Variants in MYO1G observed in about 807,000 individuals in gnomAD.
MYO1G encodes unconventional myosin-Ig.
Under a neutral mutation model 115.3 loss-of-function variants are expected in MYO1G, and 65 were observed. The ratio of observed to expected loss-of-function variants is 0.56; its 90% confidence interval spans 0.46 to 0.69. The LOEUF is 0.69. Ranked by LOEUF, MYO1G falls within the 30% of genes least tolerant of loss-of-function variation. MYO1G has a pLI of 0.00. For missense variants in MYO1G, 1,204 were observed against 1,393.5 expected (o/e 0.86, Z 2.16); for synonymous variants, 510 against 552.6 (o/e 0.92, Z 1.08).
At chr7:44,978,501 C>T (rs1407813946) in intron 1 of MYO1G, among the ~76,000 whole-genome samples, 1 of 152,188 alleles carries the variant, frequency 6.6e-6, no homozygotes, top group African/African-American at 2.4e-5. Context: ...TGCCCCTGGT[C>T]CCTCCTGGAA....
chr7:44,978,856 C>A lies in MYO1G; in HGVS notation c.95+11G>T, dbSNP rs180976586. ...GAGGAGGGGAGCCACTGCCTCCTGC[C>A]CTGGGCCTACCTGAGCTGCAGGTTC... On this transcript the variant is annotated intron_variant, in intron 1 of 21. Coordinates refer to ENST00000258787, the MANE Select transcript of MYO1G (RefSeq NM_033054.3). 3 of 1,613,422 alleles carry A rather than the reference C, an allele frequency of 1.9e-6. No homozygotes were observed. The highest frequency in any genetic ancestry group is 2.5e-6 in the Non-Finnish European group (3 of 1,179,388).
Position 44,966,220 on chromosome 7 carries a change from G to T in MYO1G, c.2010C>A (p.Ala670=), listed in dbSNP as rs767455692. The T allele has an allele frequency of 1.2e-6, 2 of 1,612,188 alleles. No individual in the cohort carries two copies. Among genetic ancestry groups the T allele is most frequent in the African/African-American group, 1.3e-5 (1 of 74,880 alleles). The change falls in exon 16 of 22, where the codon GCC becomes GCA. Residue 670 remains alanine, a synonymous_variant. Transcript: ENST00000258787. The surrounding 1 kb of genome is among the most constrained non-coding windows in gnomAD (Gnocchi z 5.0). ...PNHLLGSDKA[A]VSALLEQHGL... is the part of the protein sequence containing the mutation. ...CGTGCTGCTCCAGGAGAGCGCTCAC[G>T]GCTGCCTTGTCGGAGCCCAGCAGGT...
chr7:44,966,392 A>G lies in MYO1G; in HGVS notation c.1950-112T>C, dbSNP rs1794844836. On this transcript the variant is annotated intron_variant, in intron 15 of 21. Transcript: ENST00000258787. This position sits in a 1 kb window ranked among gnomAD's most constrained non-coding sequence, Gnocchi z 5.0. ...GCAGGGATACAGAGTGTGTTCCTGG[A>G]GCACTTATGACACCTGTGCACATAT... is the stretch of plus-strand genomic sequence containing the variant. 1.0e-6 allele frequency: 1 copy of G among 1,003,194 alleles called. No homozygotes were observed. The highest frequency in any genetic ancestry group is 1.5e-6 in the Non-Finnish European group (1 of 664,420). The allele number at this position is 1,003,194 out of a possible 1,614,324, so 62.1% of individuals were successfully genotyped here.
At position 44,967,939 on chromosome 7, in the gene MYO1G, T is replaced by G; in HGVS notation, c.1594A>C (p.Ile532Leu). ...AAGAGGAAATCTCTGTTCTTGTCGATGAAGCCTTCCACGGAGTACCTACCA... is the reference window on the plus strand; with the variant it reads ...AAGAGGAAATCTCTGTTCTTGTCGAGGAAGCCTTCCACGGAGTACCTACCA... ...GDVTYSVEGF[I>L]DKNRDFLFQD... The change falls in exon 13 of 22, where the codon ATC becomes CTC. Residue 532 changes from isoleucine (I) to leucine (L), a missense_variant. Transcript: ENST00000258787. 6.2e-7 allele frequency: 1 copy of G among 1,613,996 alleles called. No homozygotes were observed. Among genetic ancestry groups the G allele is most frequent in the South Asian group, 1.1e-5 (1 of 91,074 alleles).
Position 44,964,030 on chromosome 7 carries a change from C to T in MYO1G, c.2745+19G>A. 6.4e-7 allele frequency: 1 copy of T among 1,554,112 alleles called. No homozygotes were observed. The highest frequency in any genetic ancestry group is 8.7e-7 in the Non-Finnish European group (1 of 1,145,596). On this transcript the variant is annotated intron_variant, in intron 20 of 21. Transcript: ENST00000258787. This position sits in a 1 kb window ranked among gnomAD's most constrained non-coding sequence, Gnocchi z 5.1. ...CCCCTCACAGATGCTGCACCCTACT[C>T]CCCACCCACATTGCTCACCGCCTCA...
At chr7:44,972,494 C>T in intron 5 of MYO1G, 1 of 448,658 alleles carries the variant, frequency 2.2e-6, no homozygotes, top group Non-Finnish European at 4.2e-6. Flanking sequence ...GTAGGGAGCT[C>T]AGTCCCTGTG....
rs374494970 is a variant in MYO1G at position 44,978,949 on chromosome 7, C to T, written c.13G>A (p.Glu5Lys). The T allele has an allele frequency of 1.4e-5, 23 of 1,614,184 alleles. No homozygotes were observed. Among genetic ancestry groups the T allele is most frequent in the Non-Finnish European group, 1.9e-5 (23 of 1,180,000 alleles). MEDEEGPEYGKPDFV... is the reference protein window; with the variant it reads MEDEKGPEYGKPDFV... ...TCAGGTTTGCCATACTCAGGGCCTT[C>T]CTCGTCCTCCATCCTGCCGGCTGGA... Residue 5 changes from glutamate to lysine, a missense_variant, in exon 1 of 22, where the codon GAA (glutamate) becomes AAA (lysine). Transcript: ENST00000258787.
rs199820812 is a variant in MYO1G, at chr7:44,964,987, G to T, written c.2484C>A (p.Asp828Glu). 1.1e-5 allele frequency: 17 copies of T among 1,608,880 alleles called. No homozygotes were observed. In the African/African-American group the frequency reaches 2.3e-4, roughly 21 times the overall value. ...AMGALQGLRQ[D>E]WGCRRAWARD... ...GGGCCCAGGCCCGTCGGCAGCCCCAGTCCTGACGAAGCCCTTGCAGGGCCC... is the reference window on the plus strand; with the variant it reads ...GGGCCCAGGCCCGTCGGCAGCCCCATTCCTGACGAAGCCCTTGCAGGGCCC... The change falls in exon 18 of 22, where the codon GAC (aspartate) becomes GAA (glutamate). Residue 828 changes from aspartate (D) to glutamate (E), a missense_variant. Coordinates refer to ENST00000258787, the MANE Select transcript of MYO1G (RefSeq NM_033054.3). This position sits in a 1 kb window ranked among gnomAD's most constrained non-coding sequence, Gnocchi z 5.1.
chr7:44,975,910 T>C (rs924440480), intron 3 of MYO1G, among the ~76,000 whole-genome samples: 2 of 152,202 alleles, frequency 1.3e-5, no homozygotes, highest in African/African-American at 2.4e-5. Flanking sequence ...GAGGTCCTTG[T>C]TTCTCACAGC....
chr7:44,965,590 C>T, intron 17 of MYO1G, 47 bp downstream of exon 17: 3 of 1,561,796 alleles, frequency 1.9e-6, no homozygotes, highest in Non-Finnish European at 2.6e-6. Flanking sequence ...TTAAGGTATT[C>T]AGTGGATGCC....
intron 5 of MYO1G, chr7:44,973,855 C>T (rs931321649): frequency 6.6e-6 from 1 of 151,676 alleles, no homozygotes; most frequent in Admixed American, 6.6e-5. Context: ...CTGTGGAGAT[C>T]CTGCCGGAGT....
At chr7:44,968,010 G>A (rs759650096) in intron 12 of MYO1G, 52 bp from the exon 13 acceptor site, 2 of 1,494,362 alleles carry the variant, frequency 1.3e-6, no homozygotes, top group Non-Finnish European at 1.9e-6. Flanking sequence ...TGCCAGGCCA[G>A]AGTGCTAATG....
Position 44,976,965 on chromosome 7 carries a change from C to T in MYO1G, c.202G>A (p.Gly68Ser), listed in dbSNP as rs755789331. The T allele has an allele frequency of 1.3e-5, 21 of 1,613,550 alleles. No homozygotes were observed. The highest frequency in any genetic ancestry group is 1.0e-4 in the Admixed American group (6 of 60,016). ...GGTGGCCGCTCATAGAGCTCACGGCCCTGGTACCTGGCGATGGCCTCAGGC... is the reference window on the plus strand; with the variant it reads ...GGTGGCCGCTCATAGAGCTCACGGCTCTGGTACCTGGCGATGGCCTCAGGC... ...YGPEAIARYQ[G>S]RELYERPPHL... The change falls in exon 2 of 22, where the codon GGC (glycine) becomes AGC (serine). Residue 68 changes from glycine (G) to serine (S), a missense_variant. Coordinates refer to ENST00000258787, the MANE Select transcript of MYO1G (RefSeq NM_033054.3).
At chr7:44,977,206 G>A in intron 1 of MYO1G, 135 bp from the exon 2 acceptor site, 1 of 789,930 alleles carries the variant, frequency 1.3e-6, no homozygotes, top group Non-Finnish European at 2.0e-6. Flanking sequence ...GGAGAAGGAA[G>A]AAGGGGGCAG....
At position 44,963,274 on chromosome 7, in the gene MYO1G, C is replaced by T. The variant is rs1287217520; in HGVS notation, c.2746-150G>A. 5.7e-6 allele frequency: 5 copies of T among 875,844 alleles called. No individual in the cohort carries two copies. The highest frequency in any genetic ancestry group is 8.1e-6 in the Non-Finnish European group (5 of 613,926). The allele number at this position is 875,844 out of a possible 1,614,324, so 54.3% of individuals were successfully genotyped here. On this transcript the variant is annotated intron_variant, in intron 20 of 21. Coordinates refer to ENST00000258787, the MANE Select transcript of MYO1G (RefSeq NM_033054.3). This position sits in a 1 kb window ranked among gnomAD's most constrained non-coding sequence, Gnocchi z 4.1. ...AGGGCCACCAGCCCCCCACCGCCCC[C>T]TCCTCCCTCTCGGGGCCCTGCTGAC...
chr7:44,967,768 C>T, intron 13 of MYO1G, 31 bp from the exon 14 acceptor site: 4 of 1,612,564 alleles, frequency 2.5e-6, no homozygotes, highest in Non-Finnish European at 3.4e-6. Flanking sequence ...CCCAGCCATC[C>T]TCTGGGAGAG....
chr7:44,970,605 A>G lies in MYO1G; in HGVS notation c.1204T>C (p.Phe402Leu). 6.2e-7 allele frequency: 1 copy of G among 1,613,318 alleles called. No individual in the cohort carries two copies. Among genetic ancestry groups the G allele is most frequent in the Non-Finnish European group, 8.5e-7 (1 of 1,180,008 alleles). ...CCAGCCACCCACCTGTTGACGGGAA[A>G]CACCTCGAAGCCATAGATGTCCAGC... Reference protein sequence around the residue: ...GVLDIYGFEVFPVNSFEQFCI... With the variant: ...GVLDIYGFEVLPVNSFEQFCI... Residue 402 changes from phenylalanine (F) to leucine (L), a missense_variant, in exon 9 of 22, where the codon TTT (phenylalanine) becomes CTT (leucine). Phe to Leu is a conservative substitution (Grantham distance 22). Coordinates refer to ENST00000258787, the MANE Select transcript of MYO1G (RefSeq NM_033054.3).
intron 5 of MYO1G, chr7:44,972,574 G>A (rs1035260323): frequency 2.1e-5 from 6 of 280,590 alleles, no homozygotes; most frequent in African/African-American, 8.8e-5. Context: ...GACACTACCC[G>A]GGTCCCAAAA....
rs2128700752 is a variant in MYO1G at position 44,963,263 on chromosome 7, C to CCCACCG, written c.2746-145_2746-140dup. 1 of 958,292 alleles carries CCCACCG rather than the reference C, an allele frequency of 1.0e-6. No individual in the cohort carries two copies. The highest frequency in any genetic ancestry group is 3.2e-5 in the East Asian group (1 of 30,856). 59.4% of individuals were successfully genotyped at this position (958,292 alleles called of 1,614,324 possible). A position where few individuals can be genotyped will look rare whatever the true frequency, so the allele number is the denominator to read the frequency against. ...CCGCCCTCGCCAGGGCCACCAGCCC[C>CCCACCG]CCACCGCCCCCTCCTCCCTCTCGGG... On this transcript the variant is annotated intron_variant, in intron 20 of 21. Coordinates refer to ENST00000258787, the MANE Select transcript of MYO1G (RefSeq NM_033054.3). The surrounding 1 kb of genome is among the most constrained non-coding windows in gnomAD (Gnocchi z 4.1).
Sources: allele counts gnomAD v4.1 joint callset (sites outside exome capture counted in the v4.1 genomes callset), GRCh38; gene constraint gnomAD v4.1.1; non-coding constraint Gnocchi (gnomAD v3.1); transcripts MANE v1.5; gene names NCBI Gene and HGNC (gene_info 2026-07-23, HGNC 2026-07-21).